The following DISC1 variants were observed in gnomAD, a reference collection of about 807,000 sequenced individuals.
DISC1 encodes the protein disrupted in schizophrenia 1 protein.
In DISC1, 57 loss-of-function variants were observed where a neutral mutation model predicts 84.5. The observed-to-expected ratio is 0.67, with a 90% CI of 0.55 to 0.84. The LOEUF (loss-of-function observed/expected upper bound fraction) is 0.84. Among genes scored for constraint, DISC1 ranks in the 40% least tolerant of loss-of-function variants. The pLI, the probability that DISC1 is intolerant of heterozygous loss-of-function variation, is 0.00. For missense variants in DISC1, 1,000 were observed against 1,057.8 expected (o/e 0.95, Z 0.76); for synonymous variants, 411 against 415.2 (o/e 0.99, Z 0.12).
intron 12 of DISC1, among the ~76,000 whole-genome samples, chr1:232,027,453 G>A (rs1410407504): frequency 1.3e-5 from 2 of 152,180 alleles, no homozygotes; most frequent in East Asian, 3.8e-4. Context: ...CTAGCTGCTA[G>A]TGAGCAAGAT....
intron 9 of DISC1, among the ~76,000 whole-genome samples, chr1:231,827,500 T>C (rs986125723): frequency 8.5e-5 from 13 of 152,242 alleles, no homozygotes; most frequent in Admixed American, 2.6e-4. Context: ...TGGCTTCCTG[T>C]ACACATTCCT....
At chr1:231,665,031 T>G (rs1330662674) in intron 1 of DISC1, among the ~76,000 whole-genome samples, 4 of 152,158 alleles carry the variant, frequency 2.6e-5, no homozygotes. Context: ...TATCAAAACG[T>G]ATGCAAACAG....
intron 9 of DISC1, 77 bp from the exon 10 acceptor site, chr1:231,958,751 T>G: frequency 2.7e-4 from 383 of 1,441,188 alleles, no homozygotes; most frequent in Non-Finnish European, 3.4e-4. Context: ...CCTTTGGCTT[T>G]GAGCTTTTAG....
intron 9 of DISC1, among the ~76,000 whole-genome samples, chr1:231,937,736 G>A (rs945202683): frequency 2.0e-5 from 3 of 152,142 alleles, no homozygotes; most frequent in African/African-American, 4.8e-5. Context: ...AAGGGGACCC[G>A]GCTTCGATGG....
chr1:231,945,372 T>A (rs1038752334), intron 9 of DISC1: 1 of 152,160 alleles, frequency 6.6e-6, no homozygotes, highest in African/African-American at 2.4e-5. Flanking sequence ...CCTGGGTACA[T>A]AATGAAATGA....
At position 231,718,523 on chromosome 1, in the gene DISC1, G is replaced by A. The variant is rs1236386634; in HGVS notation, c.1117+16499G>A. Among the ~76,000 whole-genome samples the A allele has an allele frequency of 4.0e-5, 6 of 148,860 alleles. No homozygotes were observed. The South Asian group carries it at 6.3e-4, about 16-fold the overall frequency. On this transcript the variant is annotated intron_variant, in intron 3 of 12. Transcript: ENST00000439617. Reference sequence around the variant, plus strand: ...GCAATCTTGGCTCACCACAAACTCCGTCTCCCGGGTTCAAGCGATTATCCT... The same window carrying A: ...GCAATCTTGGCTCACCACAAACTCCATCTCCCGGGTTCAAGCGATTATCCT...
rs373681789 is a variant in DISC1, at chr1:231,982,293, G to T, written c.2042+23405G>T. 3.9e-5 allele frequency among the ~76,000 whole-genome samples: 6 copies of T among 152,126 alleles called. No individual in the cohort carries two copies. In the East Asian group the frequency reaches 7.7e-4, roughly 20 times the overall value. On this transcript the variant is annotated intron_variant, in intron 10 of 12. Transcript: ENST00000439617. ...TAGGGTTGGGAACTAGATTAGAATG[G>T]GAGGGGGATGATATAGTGAATTCCT...
rs2065347669 is a variant in DISC1, at chr1:231,693,955, G to A, written c.197G>A (p.Arg66Gln). ...TCCCCAGCAGTGGGCACACTGTTCC[G>A]GTTCCCAGGAGGGGTGTCTGGCGAG... ...FLSPAVGTLF[R>Q]FPGGVSGEES... The change falls in exon 2 of 13, where the codon CGG becomes CAG. Residue 66 changes from arginine (R) to glutamine (Q), a missense_variant. Coordinates refer to ENST00000439617, the MANE Select transcript of DISC1 (RefSeq NM_018662.3). The A allele has an allele frequency of 9.9e-6, 16 of 1,613,980 alleles. No individual in the cohort carries two copies. Among genetic ancestry groups the A allele is most frequent in the African/African-American group, 1.3e-5 (1 of 74,944 alleles).
intron 3 of DISC1, among the ~76,000 whole-genome samples, chr1:231,711,660 A>G (rs371566172): frequency 1.3e-5 from 2 of 151,860 alleles, no homozygotes; most frequent in South Asian, 4.2e-4. Flanking sequence ...GAGCCACCAC[A>G]CCCGGCCATG....
At chr1:231,971,952 A>G (rs186317503) in intron 10 of DISC1, among the ~76,000 whole-genome samples, 19 of 152,344 alleles carry the variant, frequency 1.2e-4, no homozygotes, top group Admixed American at 9.1e-4. Context: ...ACTTGTGACA[A>G]TTACACGAAG....
chr1:231,888,098 G>A (rs2086905040), intron 9 of DISC1, among the ~76,000 whole-genome samples: 1 of 152,212 alleles, frequency 6.6e-6, no homozygotes, highest in African/African-American at 2.4e-5. Context: ...TACATATGAA[G>A]GGAAAGGATA....
At chr1:231,781,754 C>A (rs1296926850) in intron 6 of DISC1, among the ~76,000 whole-genome samples, 8 of 152,050 alleles carry the variant, frequency 5.3e-5, no homozygotes, top group Non-Finnish European at 1.2e-4. Flanking sequence ...CCTGCTTTAA[C>A]TTTTCAGATG....
rs1238740667 is a variant in DISC1, at chr1:231,698,543, T to G, written c.1048-3412T>G. Among the ~76,000 whole-genome samples the G allele has an allele frequency of 6.6e-6, 1 of 152,164 alleles. No individual in the cohort carries two copies. Among genetic ancestry groups the G allele is most frequent in the Non-Finnish European group, 1.5e-5 (1 of 68,038 alleles). On this transcript the variant is annotated intron_variant, in intron 2 of 12. Transcript: ENST00000439617. This position sits in a 1 kb window ranked among gnomAD's most constrained non-coding sequence, Gnocchi z 4.9. ...CAGGGTTGTGGCACAGTGCAAGACA[T>G]GGCCACTGGGGCTGTGCCTCCAGCA...
chr1:231,870,746 CT>C (rs2085398401), intron 9 of DISC1, among the ~76,000 whole-genome samples: 1 of 152,192 alleles, frequency 6.6e-6, no homozygotes. Context: ...CTATTACAAA[CT>C]CTGTTTTTAG....
At chr1:231,923,357 G>A (rs147292016) in intron 9 of DISC1, among the ~76,000 whole-genome samples, 8 of 151,112 alleles carry the variant, frequency 5.3e-5, no homozygotes, top group African/African-American at 1.7e-4. Flanking sequence ...GAGCCCTCCT[G>A]GCAGGTAGTA....
chr1:231,719,753 TATTTTCTTAGATAATC>T (rs1411859544), intron 3 of DISC1, among the ~76,000 whole-genome samples: 1 of 151,624 alleles, frequency 6.6e-6, no homozygotes, highest in Non-Finnish European at 1.5e-5. Flanking sequence ...GCGAACTGAT[TATTTTCTTAGATAATC>T]ATTTTCTTAG....
chr1:231,668,352 TATAAC>T, intron 1 of DISC1, among the ~76,000 whole-genome samples: 1 of 152,314 alleles, frequency 6.6e-6, no homozygotes, highest in South Asian at 2.1e-4. Flanking sequence ...CTTTAGATAT[TATAAC>T]ATGTGTTTTC....
At chr1:232,030,396 A>C (rs76987439) in intron 12 of DISC1, among the ~76,000 whole-genome samples, 2,617 of 152,274 alleles carry the variant, frequency 0.017, 45 homozygotes, top group East Asian at 0.052. Flanking sequence ...AAAGAAGTAC[A>C]CCTGTGATAT....
chr1:231,912,160 T>A (rs2126056547), intron 9 of DISC1, among the ~76,000 whole-genome samples: 1 of 152,356 alleles, frequency 6.6e-6, no homozygotes, highest in South Asian at 2.1e-4. Flanking sequence ...ACCGATCGTT[T>A]GAAGCCTTCT....
Sources: gnomAD v4.1 joint callset for allele counts (sites outside exome capture counted in the v4.1 genomes callset) on GRCh38, gnomAD v4.1.1 for gene constraint, Gnocchi (gnomAD v3.1) non-coding constraint, MANE v1.5 for transcripts, NCBI Gene and HGNC (gene_info 2026-07-23, HGNC 2026-07-21) for gene names.